Variants in EFCAB3 observed in about 807,000 individuals in gnomAD.
EFCAB3 encodes the protein EF-hand calcium binding domain 3.
In EFCAB3, 36 loss-of-function variants were observed where a neutral mutation model predicts 42.2. That is an observed-to-expected ratio of 0.85 (90% CI 0.65 to 1.13). The LOEUF (loss-of-function observed/expected upper bound fraction) is 1.13, where lower values mean the gene tolerates loss of function less well. Among genes scored for constraint, EFCAB3 ranks in the 50% most tolerant of loss-of-function variants. EFCAB3 has a pLI of 0.00. For missense variants in EFCAB3, 418 were observed against 505.1 expected (o/e 0.83, Z 1.65); for synonymous variants, 170 against 172.8 (o/e 0.98, Z 0.13).
chr17:62,399,013 G>A (rs545426817), intron 6 of EFCAB3, among the ~76,000 whole-genome samples: 1 of 151,972 alleles, frequency 6.6e-6, no homozygotes, highest in South Asian at 2.1e-4. Context: ...TTGCACCTTT[G>A]ACTGCTGCTC....
chr17:62,390,387 T>TA (rs2070293282), intron 3 of EFCAB3, among the ~76,000 whole-genome samples: 1 of 152,184 alleles, frequency 6.6e-6, no homozygotes, highest in Non-Finnish European at 1.5e-5. Flanking sequence ...ATCATGCAGG[T>TA]ACAGGTGCTG....
upstream of EFCAB3, chr17:62,380,506 G>A: frequency 1.0e-6 from 1 of 961,126 alleles, no homozygotes. Context: ...CCCTAGGCTT[G>A]AGCCTGAGCA....
rs777634347 is a variant in EFCAB3 at position 62,407,077 on chromosome 17, A to T, written c.732A>T (p.Pro244=). 1.9e-6 allele frequency: 3 copies of T among 1,606,276 alleles called. No individual in the cohort carries two copies. In the South Asian group the frequency reaches 3.4e-5, roughly 18 times the overall value. The change falls in exon 8 of 10, where the codon CCA becomes CCT. Residue 244 remains proline (P), a synonymous_variant. Transcript: ENST00000305286. Reference sequence around the variant, plus strand: ...CATATTCAAAAATACCCATCTTTCCATTGTTCCCTAATGTGGATGGGGTGG... The same window carrying T: ...CATATTCAAAAATACCCATCTTTCCTTTGTTCCCTAATGTGGATGGGGTGG... ...DSPYSKIPIF[P]LFPNVDGVVM... is the part of the protein sequence containing the mutation.
At chr17:62,397,418 C>T (rs966225900) in intron 6 of EFCAB3, 9 of 456,822 alleles carry the variant, frequency 2.0e-5, no homozygotes, top group African/African-American at 1.2e-4. Context: ...TCATGGACTT[C>T]GTGTGGCTAG....
intron 9 of EFCAB3, among the ~76,000 whole-genome samples, chr17:62,415,337 A>AG (rs991421815): frequency 6.6e-6 from 1 of 152,186 alleles, no homozygotes; most frequent in Non-Finnish European, 1.5e-5. Flanking sequence ...TTTCTGCTTA[A>AG]GGGATTTATT....
At chr17:62,414,336 G>C (rs142379472) in intron 9 of EFCAB3, among the ~76,000 whole-genome samples, 5 of 152,104 alleles carry the variant, frequency 3.3e-5, no homozygotes, top group Non-Finnish European at 7.4e-5. Context: ...TATTCTTTGG[G>C]CTATCTCAAT....
upstream of EFCAB3, chr17:62,380,510 C>T (rs1436552060): frequency 1.0e-6 from 1 of 970,952 alleles, no homozygotes; most frequent in Non-Finnish European, 1.2e-6. Flanking sequence ...AGGCTTGAGC[C>T]TGAGCAGTGA....
At position 62,397,272 on chromosome 17, in the gene EFCAB3, C is replaced by G. The variant is rs905549490; in HGVS notation, c.488+2084C>G. ...ATAGTATTTAACATATAAATGGAGA[C>G]AATTTGAGAGGCTGAGGTGCATGGA... On this transcript the variant is annotated intron_variant, in intron 6 of 9. Coordinates refer to ENST00000305286, the MANE Select transcript of EFCAB3 (RefSeq NM_173503.4). 1.7e-5 allele frequency: 4 copies of G among 236,744 alleles called. 1 individual carries two copies. Among genetic ancestry groups the G allele is most frequent in the Admixed American group, 5.1e-5 (1 of 19,436 alleles). The allele number at this position is 236,744 out of a possible 1,614,324, so 14.7% of individuals were successfully genotyped here. A position where few individuals can be genotyped will look rare whatever the true frequency, so the allele number is the denominator to read the frequency against.
chr17:62,407,159 C>A lies in EFCAB3; in HGVS notation c.814C>A (p.Pro272Thr), dbSNP rs115042128. ...ATTAGAGATGCTAAGAATAAAGGAG[C>A]CTTTGCATTTCTTTGAGGATTATTT... ...QKLEMLRIKE[P>T]LHFFEDYFFH... The change falls in exon 8 of 10, where the codon CCT (proline) becomes ACT (threonine). Residue 272 changes from proline (P) to threonine (T), a missense_variant. Coordinates refer to ENST00000305286, the MANE Select transcript of EFCAB3 (RefSeq NM_173503.4). 9.7e-5 allele frequency: 155 copies of A among 1,603,960 alleles called. 3 individuals carry two copies. Among genetic ancestry groups the A allele is most frequent in the Middle Eastern group, 8.3e-4 (5 of 6,012 alleles).
At chr17:62,412,892 T>G (rs1255787965) in intron 8 of EFCAB3, among the ~76,000 whole-genome samples, 1 of 152,144 alleles carries the variant, frequency 6.6e-6, no homozygotes, top group Non-Finnish European at 1.5e-5. Context: ...ACGTGACATT[T>G]CAACACAACA....
At chr17:62,406,769 G>C in intron 7 of EFCAB3, 96 bp downstream of exon 7, 1 of 1,332,284 alleles carries the variant, frequency 7.5e-7, no homozygotes, top group Admixed American at 2.2e-5. Context: ...CATAAGAACA[G>C]GACTGCAGCC....
chr17:62,411,033 C>T (rs1002912261), intron 8 of EFCAB3, among the ~76,000 whole-genome samples: 1 of 152,114 alleles, frequency 6.6e-6, no homozygotes, highest in Non-Finnish European at 1.5e-5. Flanking sequence ...GATGAAATCT[C>T]CAAGCAGTAA....
chr17:62,407,011 T>G lies in EFCAB3; in HGVS notation c.683-17T>G. ...CTTACATTGTTTGTGATACCATTTT[T>G]GTTTTTATCTTTTTAGGATGCAATT... On this transcript the variant is annotated splice_polypyrimidine_tract_variant and intron_variant, in intron 7 of 9. Coordinates refer to ENST00000305286, the MANE Select transcript of EFCAB3 (RefSeq NM_173503.4). 6.4e-7 allele frequency: 1 copy of G among 1,567,578 alleles called. No homozygotes were observed. Among genetic ancestry groups the G allele is most frequent in the Non-Finnish European group, 8.6e-7 (1 of 1,161,802 alleles).
intron 2 of EFCAB3, among the ~76,000 whole-genome samples, chr17:62,384,773 A>G (rs952420226): frequency 1.3e-5 from 2 of 152,338 alleles, no homozygotes; most frequent in Non-Finnish European, 2.9e-5. Flanking sequence ...CAATGGTTCA[A>G]CTTACCATTT....
chr17:62,381,120 G>T (rs2070193460), intron 1 of EFCAB3, among the ~76,000 whole-genome samples: 1 of 151,474 alleles, frequency 6.6e-6, no homozygotes, highest in Non-Finnish European at 1.5e-5. Context: ...TTAACATCAG[G>T]TATATCTCCT....
chr17:62,381,764 C>G (rs1187906355), intron 1 of EFCAB3: 1 of 398,296 alleles, frequency 2.5e-6, no homozygotes, highest in Non-Finnish European at 5.0e-6. Flanking sequence ...GCGTAGGCAT[C>G]GAGGCGGACG....
chr17:62,373,297 G>A (rs939240151), intron 1 of EFCAB3, among the ~76,000 whole-genome samples: 9 of 126,882 alleles, frequency 7.1e-5, no homozygotes, highest in African/African-American at 2.5e-4. Context: ...AAAAAAAAAT[G>A]TAGAAATAGG....
chr17:62,391,107 A>G (rs750655971), intron 3 of EFCAB3, among the ~76,000 whole-genome samples: 2 of 152,170 alleles, frequency 1.3e-5, no homozygotes, highest in Non-Finnish European at 2.9e-5. Context: ...TCACAGTTCT[A>G]TAAGTCAGAA....
Position 62,404,877 on chromosome 17 carries a change from CAATT to C in EFCAB3, c.489-1601_489-1598del, listed in dbSNP as rs1567727399. 7.9e-5 allele frequency among the ~76,000 whole-genome samples: 12 copies of C among 152,114 alleles called. No individual in the cohort carries two copies. The South Asian group carries it at 2.5e-3, about 32-fold the overall frequency. On this transcript the variant is annotated intron_variant, in intron 6 of 9. Coordinates refer to ENST00000305286, the MANE Select transcript of EFCAB3 (RefSeq NM_173503.4). ...GTTTTGGTATGTAATATACATGAAACAATTAGTTATAAAATATAATGTGACATAA... is the reference window on the plus strand; with the variant it reads ...GTTTTGGTATGTAATATACATGAAACAGTTATAAAATATAATGTGACATAA...
Sources: allele counts gnomAD v4.1 joint callset (sites outside exome capture counted in the v4.1 genomes callset), GRCh38; gene constraint gnomAD v4.1.1; transcripts MANE v1.5; gene names NCBI Gene and HGNC (gene_info 2026-07-23, HGNC 2026-07-21).